Variants in KIAA0930 observed in about 807,000 individuals in gnomAD.
KIAA0930 encodes the protein uncharacterized protein KIAA0930.
Under a neutral mutation model 43.9 loss-of-function variants are expected in KIAA0930, and 24 were observed. The observed-to-expected ratio is 0.55, with a 90% CI of 0.40 to 0.77. KIAA0930 has a LOEUF of 0.77. KIAA0930 is among the 30% of genes least tolerant of loss of function. The pLI, the probability that KIAA0930 is intolerant of heterozygous loss-of-function variation, is 0.00. For missense variants in KIAA0930, 461 were observed against 574.2 expected (o/e 0.80, Z 2.02); for synonymous variants, 259 against 216.4 (o/e 1.20, Z -1.73).
At chr22:45,218,987 T>C (rs556131441) in intron 1 of KIAA0930, among the ~76,000 whole-genome samples, 1 of 152,256 alleles carries the variant, frequency 6.6e-6, no homozygotes, top group South Asian at 2.1e-4. Flanking sequence ...CGAGTGCCAA[T>C]TTAACATAAT....
intron 2 of KIAA0930, among the ~76,000 whole-genome samples, chr22:45,209,358 C>G (rs920946453): frequency 1.3e-5 from 2 of 152,192 alleles, no homozygotes; most frequent in Non-Finnish European, 2.9e-5. Flanking sequence ...CGCCTCCAGC[C>G]TGCCCCCTGC....
At chr22:45,217,094 T>G (rs1601819490) in intron 1 of KIAA0930, among the ~76,000 whole-genome samples, 1 of 152,140 alleles carries the variant, frequency 6.6e-6, no homozygotes, top group East Asian at 1.9e-4. Context: ...GATGCGGCGG[T>G]TCATGCCTGT....
In KIAA0930 at chr22:45,212,334, G is replaced by A. The variant is rs150665432; in HGVS notation, c.65-227C>T. The A allele has an allele frequency of 3.8e-3, 6,170 of 1,611,900 alleles. 26 individuals carry two copies. Among genetic ancestry groups the A allele is most frequent in the Middle Eastern group, 5.0e-3 (30 of 6,046 alleles). On this transcript the variant is annotated intron_variant, in intron 1 of 9. Transcript: ENST00000336156. The stretch of plus-strand genomic sequence containing the variant: ...CAGTTCCTCCACTCAGCAGCAGCCT[G>A]AGAGCCCATGCTCCCAGCCCCACAG...
intron 1 of KIAA0930, chr22:45,213,461 G>C: frequency 8.1e-7 from 1 of 1,239,154 alleles, no homozygotes; most frequent in Non-Finnish European, 1.0e-6. Context: ...CACGGGACTG[G>C]CAAGACCTCC....
chr22:45,211,362 C>T, intron 2 of KIAA0930: 3 of 398,742 alleles, frequency 7.5e-6, no homozygotes, highest in Non-Finnish European at 1.3e-5. Flanking sequence ...ATTAGCTCCT[C>T]CCACACTGCG....
rs961496204 is a variant in KIAA0930, at chr22:45,203,880, G to A, written c.622C>T (p.Arg208Cys). The change falls in exon 6 of 10, where the codon CGC becomes TGC. Residue 208 changes from arginine (R) to cysteine (C), a missense_variant. Physicochemically the swap from Arg to Cys is radical, Grantham distance 180. Coordinates refer to ENST00000336156, the MANE Select transcript of KIAA0930 (RefSeq NM_001009880.2). ...TACACCTTCTTGAGCGCCTCGTAGC[G>A]GATGGAGCCCTGAAAGATGACCCCC... Reference protein sequence around the residue: ...FQGVIFQGSIRYEALKKVYDN... With the variant: ...FQGVIFQGSICYEALKKVYDN... The A allele has an allele frequency of 1.2e-6, 2 of 1,614,082 alleles. No individual in the cohort carries two copies. The highest frequency in any genetic ancestry group is 1.7e-6 in the Non-Finnish European group (2 of 1,179,988).
At chr22:45,224,209 T>C (rs1207175089) in intron 1 of KIAA0930, among the ~76,000 whole-genome samples, 1 of 152,194 alleles carries the variant, frequency 6.6e-6, no homozygotes. Context: ...GGAAACTGTC[T>C]ATTTTAAAAA....
intron 9 of KIAA0930, among the ~76,000 whole-genome samples, chr22:45,197,443 G>T (rs1308237201): frequency 6.6e-6 from 1 of 152,224 alleles, no homozygotes; most frequent in Non-Finnish European, 1.5e-5. Flanking sequence ...GTGCAAGCTG[G>T]TGTGGGGGCC....
chr22:45,213,111 G>C (rs552055272), intron 1 of KIAA0930, among the ~76,000 whole-genome samples: 7 of 152,170 alleles, frequency 4.6e-5, no homozygotes, highest in Non-Finnish European at 1.0e-4. Context: ...AGTGGTGCCA[G>C]AACCCTCTCT....
At chr22:45,237,001 C>T (rs966810659) in intron 1 of KIAA0930, among the ~76,000 whole-genome samples, 1 of 152,214 alleles carries the variant, frequency 6.6e-6, no homozygotes, top group African/African-American at 2.4e-5. Context: ...GCCCAGGTCG[C>T]GTCCACGTTA....
intron 7 of KIAA0930, 150 bp downstream of exon 7, chr22:45,202,840 C>A (rs2083600984): frequency 1.6e-6 from 1 of 635,484 alleles, no homozygotes; most frequent in South Asian, 2.2e-5. Context: ...GCTGGGTGGT[C>A]CGGGCCTCCG....
chr22:45,233,277 G>C (rs1322642997), intron 1 of KIAA0930, among the ~76,000 whole-genome samples: 1 of 152,142 alleles, frequency 6.6e-6, no homozygotes, highest in Admixed American at 6.5e-5. Flanking sequence ...TTGTTTTAAA[G>C]TTCCCCAGGG....
In KIAA0930 at chr22:45,199,974, G is replaced by A; in HGVS notation, c.914C>T (p.Pro305Leu). The change falls in exon 8 of 10, where the codon CCA (proline) becomes CTA (leucine). Residue 305 changes from proline to leucine, a missense_variant. Physicochemically the swap from Pro to Leu is moderately conservative, Grantham distance 98. Transcript: ENST00000336156. ...CCGGGGCACCTTCCTCTTGAGGGATGGGGAGAAGAAGGCAGGCCGGTTGTT... is the reference window on the plus strand; with the variant it reads ...CCGGGGCACCTTCCTCTTGAGGGATAGGGAGAAGAAGGCAGGCCGGTTGTT... ...ERNNRPAFFS[P>L]SLKRKVPRNR... is the part of the protein sequence containing the mutation. The A allele has an allele frequency of 6.2e-7, 1 of 1,609,392 alleles. No homozygotes were observed. The highest frequency in any genetic ancestry group is 1.1e-5 in the South Asian group (1 of 90,538).
chr22:45,203,790 T>C (rs1912362182), intron 6 of KIAA0930, 55 bp downstream of exon 6: 6 of 1,580,512 alleles, frequency 3.8e-6, no homozygotes, highest in Non-Finnish European at 5.2e-6. Flanking sequence ...CGGTGGGCTG[T>C]GGAGCCGCCG....
intron 6 of KIAA0930, 74 bp downstream of exon 6, chr22:45,203,771 T>G: frequency 6.5e-7 from 1 of 1,538,436 alleles, no homozygotes; most frequent in Non-Finnish European, 8.8e-7. Flanking sequence ...GGCCCCATGG[T>G]ATGGACCACG....
chr22:45,240,285 G>A (rs1229762737), intron 1 of KIAA0930, among the ~76,000 whole-genome samples: 1 of 152,248 alleles, frequency 6.6e-6, no homozygotes, highest in Non-Finnish European at 1.5e-5. Flanking sequence ...ACTCCCTACC[G>A]CGGTGCTGAG....
intron 1 of KIAA0930, among the ~76,000 whole-genome samples, chr22:45,235,009 A>T (rs201540512): frequency 6.9e-6 from 1 of 144,788 alleles, no homozygotes; most frequent in Non-Finnish European, 1.5e-5. Context: ...CTTTTTTTTT[A>T]ATTAGAAAAA....
chr22:45,218,165 A>G (rs985689581), intron 1 of KIAA0930, among the ~76,000 whole-genome samples: 3 of 149,822 alleles, frequency 2.0e-5, no homozygotes, highest in Admixed American at 6.7e-5. Context: ...TTATTTATTC[A>G]TTTATTTTTG....
rs778878359 is a variant in KIAA0930 at position 45,212,074 on chromosome 22, G to C, written c.98C>G (p.Thr33Ser). 1 of 1,613,962 alleles carries C rather than the reference G, an allele frequency of 6.2e-7. No individual in the cohort carries two copies. The highest frequency in any genetic ancestry group is 1.1e-5 in the South Asian group (1 of 91,086). ...CFKDDRIVFW[T>S]WMFSTYFMEK... is the part of the protein sequence containing the mutation. ...CATGAAGTAGGTGGAGAACATCCAA[G>C]TCCAGAAGACGATGCGGTCATCCTT... The change falls in exon 2 of 10, where the codon ACT (threonine) becomes AGT (serine). Residue 33 changes from threonine to serine, a missense_variant. Physicochemically the swap from Thr to Ser is moderately conservative, Grantham distance 58. Coordinates refer to ENST00000336156, the MANE Select transcript of KIAA0930 (RefSeq NM_001009880.2).
Sources: gnomAD v4.1 joint callset for allele counts (sites outside exome capture counted in the v4.1 genomes callset) on GRCh38, gnomAD v4.1.1 for gene constraint, MANE v1.5 for transcripts, NCBI Gene and HGNC (gene_info 2026-07-23, HGNC 2026-07-21) for gene names.